The following SLC24A4 variants were observed in gnomAD, a reference collection of about 807,000 sequenced individuals.
The protein encoded by SLC24A4 is solute carrier family 24 member 4.
In SLC24A4, 53 loss-of-function variants were observed where a neutral mutation model predicts 79.0. The ratio of observed to expected loss-of-function variants is 0.67; its 90% CI spans 0.54 to 0.84. The LOEUF is 0.84. SLC24A4 is among the 40% of genes least tolerant of loss of function. The probability of loss-of-function intolerance (pLI) is 0.00; values close to 1 mark genes in which losing one functional copy is unlikely to be tolerated. For missense variants in SLC24A4, 731 were observed against 822.0 expected (o/e 0.89, Z 1.35); for synonymous variants, 323 against 323.8 (o/e 1.00, Z 0.03).
chr14:92,374,379 C>T (rs1483657123), intron 2 of SLC24A4, among the ~76,000 whole-genome samples: 3 of 152,200 alleles, frequency 2.0e-5, no homozygotes, highest in South Asian at 2.1e-4. Context: ...GCCAATCCAA[C>T]GTCATCTTGA....
intron 12 of SLC24A4, among the ~76,000 whole-genome samples, chr14:92,474,825 A>ATGTGTGTG (rs762949686): frequency 0.013 from 409 of 31,778 alleles, 15 homozygotes; most frequent in Middle Eastern, 0.077. Flanking sequence ...ATATATACAT[A>ATGTGTGTG]TATATGTGTG....
At chr14:92,330,737 G>A (rs1225898263) in intron 2 of SLC24A4, among the ~76,000 whole-genome samples, 4 of 152,208 alleles carry the variant, frequency 2.6e-5, no homozygotes, top group Admixed American at 2.6e-4. Flanking sequence ...GAGTGGCAGA[G>A]AGAGACAGCA....
intron 2 of SLC24A4, among the ~76,000 whole-genome samples, chr14:92,329,302 T>G (rs568132728): frequency 3.3e-5 from 5 of 152,252 alleles, no homozygotes; most frequent in Non-Finnish European, 5.9e-5. Context: ...TGCCTGTGCC[T>G]TCTCATGCTC....
intron 2 of SLC24A4, among the ~76,000 whole-genome samples, chr14:92,388,307 G>C (rs922710728): frequency 2.0e-5 from 3 of 152,160 alleles, no homozygotes; most frequent in Non-Finnish European, 4.4e-5. Flanking sequence ...GATGCCCAAG[G>C]GGTGTCCCTT....
chr14:92,430,889 T>A (rs1891830882), intron 2 of SLC24A4, among the ~76,000 whole-genome samples: 1 of 152,244 alleles, frequency 6.6e-6, no homozygotes, highest in Non-Finnish European at 1.5e-5. Context: ...TCCCTGCTGA[T>A]CCCTCCCTCC....
At chr14:92,424,699 C>CAA (rs35472642) in intron 2 of SLC24A4, among the ~76,000 whole-genome samples, 24 of 143,526 alleles carry the variant, frequency 1.7e-4, no homozygotes, top group East Asian at 8.1e-4. Context: ...CTATCTCTAC[C>CAA]AAAAAAAAAA....
At chr14:92,426,663 C>A (rs989387767) in intron 2 of SLC24A4, among the ~76,000 whole-genome samples, 19 of 152,166 alleles carry the variant, frequency 1.2e-4, no homozygotes, top group African/African-American at 4.1e-4. Context: ...CTGTTTGGGA[C>A]ACAAGGGTGA....
At chr14:92,395,985 T>C (rs1889751648) in intron 2 of SLC24A4, among the ~76,000 whole-genome samples, 1 of 152,044 alleles carries the variant, frequency 6.6e-6, no homozygotes, top group African/African-American at 2.4e-5. Context: ...GCCACCACAC[T>C]CAGCTAATTT....
At chr14:92,489,496 A>G (rs1267506607) in intron 14 of SLC24A4, among the ~76,000 whole-genome samples, 1 of 152,064 alleles carries the variant, frequency 6.6e-6, no homozygotes, top group Non-Finnish European at 1.5e-5. Flanking sequence ...CCTGCTGTAC[A>G]AACCAGGAGG....
intron 2 of SLC24A4, among the ~76,000 whole-genome samples, chr14:92,372,867 CCCTTCCTTCCTTCCTTCCTTCCTT>C (rs1276150058): frequency 9.1e-6 from 1 of 109,806 alleles, no homozygotes; most frequent in South Asian, 3.5e-4. Context: ...GGGTCACTGT[CCCTTCCTTCCTTCCTTCCTTCCTT>C]CCTTCCTTCC....
rs563217178 is a variant in SLC24A4, at chr14:92,473,791, G to T, written c.1256-8889G>T. 2.6e-5 allele frequency among the ~76,000 whole-genome samples: 4 copies of T among 152,254 alleles called. No homozygotes were observed. The East Asian group carries it at 7.7e-4, about 29-fold the overall frequency. The stretch of plus-strand genomic sequence containing the variant: ...TCACAATTTTAGCCACATGCACGCC[G>T]AAATCGGTTCCAATTTCAGCATCCT... On this transcript the variant is annotated intron_variant, in intron 12 of 16. Coordinates refer to ENST00000532405, the MANE Select transcript of SLC24A4 (RefSeq NM_153646.4).
intron 2 of SLC24A4, among the ~76,000 whole-genome samples, chr14:92,403,957 T>C (rs1890246741): frequency 6.6e-6 from 1 of 152,184 alleles, no homozygotes; most frequent in Admixed American, 6.5e-5. Flanking sequence ...GGCTAGTTTA[T>C]ACTCATCTGT....
intron 12 of SLC24A4, among the ~76,000 whole-genome samples, chr14:92,465,935 C>T (rs1307293997): frequency 3.3e-5 from 5 of 152,208 alleles, no homozygotes; most frequent in Admixed American, 6.5e-5. Context: ...TTCATTCTTC[C>T]TCTTCCCCAC....
rs1434997093 is a variant in SLC24A4, at chr14:92,497,102, G to C, written c.*3474G>C. 6.6e-6 allele frequency: 1 copy of C among 152,442 alleles called. No individual in the cohort carries two copies. Among genetic ancestry groups the C allele is most frequent in the Non-Finnish European group, 1.5e-5 (1 of 68,282 alleles). 9.4% of individuals were successfully genotyped at this position (152,442 alleles called of 1,614,324 possible). A position where few individuals can be genotyped will look rare whatever the true frequency, so the allele number is the denominator to read the frequency against. ...AGGTGTGAGCCACCACGCCCAGCCT[G>C]CCCTTGTGAATTTTCACCTGCTCCT... On this transcript the variant is annotated 3_prime_UTR_variant, in exon 17 of 17. Coordinates refer to ENST00000532405, the MANE Select transcript of SLC24A4 (RefSeq NM_153646.4).
chr14:92,475,738 C>T (rs972321694), intron 12 of SLC24A4, among the ~76,000 whole-genome samples: 2 of 152,060 alleles, frequency 1.3e-5, no homozygotes, highest in African/African-American at 4.8e-5. Flanking sequence ...GTGACCATGA[C>T]CTACAGGAAT....
intron 2 of SLC24A4, among the ~76,000 whole-genome samples, chr14:92,345,730 C>T (rs1172308777): frequency 2.0e-5 from 3 of 151,926 alleles, no homozygotes; most frequent in Non-Finnish European, 4.4e-5. Flanking sequence ...ATAGCATTTA[C>T]AGCAGGATTT....
intron 2 of SLC24A4, among the ~76,000 whole-genome samples, chr14:92,359,297 C>T (rs778886924): frequency 1.2e-4 from 18 of 150,314 alleles, no homozygotes; most frequent in African/African-American, 2.3e-4. Flanking sequence ...TGATCAAGTC[C>T]GGGCACAGTG....
At chr14:92,409,559 C>T (rs901016482) in intron 2 of SLC24A4, among the ~76,000 whole-genome samples, 4 of 152,186 alleles carry the variant, frequency 2.6e-5, no homozygotes, top group African/African-American at 4.8e-5. Flanking sequence ...ACAAAGTGGA[C>T]GTGCCCATGT....
intron 2 of SLC24A4, among the ~76,000 whole-genome samples, chr14:92,357,840 A>C (rs973586920): frequency 1.3e-5 from 2 of 152,236 alleles, no homozygotes; most frequent in Non-Finnish European, 2.9e-5. Flanking sequence ...ACAATGGTAA[A>C]TCTTATGTGT....
Sources: gnomAD v4.1 joint callset for allele counts (sites outside exome capture counted in the v4.1 genomes callset) on GRCh38, gnomAD v4.1.1 for gene constraint, MANE v1.5 for transcripts, NCBI Gene and HGNC (gene_info 2026-07-23, HGNC 2026-07-21) for gene names.